The following KCTD1 variants were observed in gnomAD, a reference collection of about 807,000 sequenced individuals.
KCTD1 encodes potassium channel tetramerization domain containing 1, also known as BTB/POZ domain-containing protein KCTD1.
Under a neutral mutation model 66.0 loss-of-function variants are expected in KCTD1, and 24 were observed. That is an observed-to-expected ratio of 0.36 (90% CI 0.26 to 0.51). The LOEUF is 0.51. Ranked by LOEUF, KCTD1 falls within the 20% of genes least tolerant of loss-of-function variation. KCTD1 has a pLI of 0.95. For missense variants in KCTD1, 943 were observed against 1,205.2 expected, an observed-to-expected ratio of 0.78 and a Z score of 3.22; for synonymous variants, 511 against 517.2, an observed-to-expected ratio of 0.99 and a Z score of 0.16.
At chr18:26,651,072 ATCACAACAATCTC>A (rs1489460255) in intron 1 of KCTD1, among the ~76,000 whole-genome samples, 1 of 152,218 alleles carries the variant, frequency 6.6e-6, no homozygotes, top group East Asian at 1.9e-4. Context: ...ACATGTTCTG[ATCACAACAATCTC>A]TCACAACAAT....
intron 3 of KCTD1, among the ~76,000 whole-genome samples, chr18:26,474,114 A>G (rs139703574): frequency 2.5e-3 from 375 of 152,310 alleles, no homozygotes; most frequent in African/African-American, 8.6e-3. Context: ...GAAACATACT[A>G]TACATATGGT....
intron 1 of KCTD1, among the ~76,000 whole-genome samples, chr18:26,589,163 G>C (rs1986540003): frequency 1.3e-5 from 2 of 152,180 alleles, no homozygotes; most frequent in African/African-American, 2.4e-5. Flanking sequence ...ATAAGACCTG[G>C]GGGAGGACAG....
At chr18:26,647,118 C>T (rs1418383313) in intron 1 of KCTD1, among the ~76,000 whole-genome samples, 2 of 152,188 alleles carry the variant, frequency 1.3e-5, no homozygotes, top group African/African-American at 4.8e-5. Flanking sequence ...AAACCACCTG[C>T]ACTTCTTACA....
intron 2 of KCTD1, among the ~76,000 whole-genome samples, chr18:26,499,833 C>G (rs1982663121): frequency 6.6e-6 from 1 of 152,146 alleles, no homozygotes; most frequent in Non-Finnish European, 1.5e-5. Context: ...CCCTGTTTCC[C>G]GACATTACCC....
chr18:26,492,604 TCAA>T (rs1982260998), intron 2 of KCTD1, among the ~76,000 whole-genome samples: 2 of 138,940 alleles, frequency 1.4e-5, no homozygotes, highest in Admixed American at 7.7e-5. Flanking sequence ...AGACACTGTC[TCAA>T]TAAATAAATA....
rs370452861 is a variant in KCTD1 at position 26,476,587 on chromosome 18, T to C, written c.2061A>G (p.Arg687=). The C allele has an allele frequency of 1.2e-6, 2 of 1,613,794 alleles. No homozygotes were observed. Among genetic ancestry groups the C allele is most frequent in the Non-Finnish European group, 1.7e-6 (2 of 1,179,740 alleles). ...AGATATATCTGAACATCTGTCCATC[T>C]CTGTCAATGAAATAGTGCTGTTTGA... is the stretch of plus-strand genomic sequence containing the variant. ...DSLKQHYFID[R]DGQMFRYILN... Residue 687 remains arginine, a synonymous_variant, in exon 3 of 5, where the codon AGA becomes AGG. Transcript: ENST00000580059. This position sits in a 1 kb window ranked among gnomAD's most constrained non-coding sequence, Gnocchi z 4.9.
At chr18:26,506,914 C>T (rs145836086) in intron 1 of KCTD1, among the ~76,000 whole-genome samples, 408 of 152,198 alleles carry the variant, frequency 2.7e-3, no homozygotes, top group African/African-American at 9.3e-3. Flanking sequence ...GCCTGTAATT[C>T]CAGCACTTTG....
At chr18:26,634,847 G>A (rs1987690880) in intron 1 of KCTD1, among the ~76,000 whole-genome samples, 1 of 152,184 alleles carries the variant, frequency 6.6e-6, no homozygotes, top group African/African-American at 2.4e-5. Flanking sequence ...CCATGGATCT[G>A]AATGCGGGCA....
At chr18:26,455,945 T>A in intron 4 of KCTD1, 44 bp from the exon 5 acceptor site, 1 of 1,429,124 alleles carries the variant, frequency 7.0e-7, no homozygotes, top group Non-Finnish European at 9.6e-7. Context: ...GTGAGGTAAG[T>A]CCTATGGCTA....
chr18:26,610,577 G>A (rs958909333), intron 1 of KCTD1, among the ~76,000 whole-genome samples: 1 of 146,614 alleles, frequency 6.8e-6, no homozygotes, highest in South Asian at 2.3e-4. Context: ...CTCTAAGAAA[G>A]AGAGAGAGAG....
intron 2 of KCTD1, among the ~76,000 whole-genome samples, chr18:26,486,551 C>T (rs1003197879): frequency 2.6e-5 from 4 of 152,184 alleles, no homozygotes; most frequent in African/African-American, 9.7e-5. Context: ...GTATTCGCAA[C>T]CCTAAATACT....
intron 1 of KCTD1, among the ~76,000 whole-genome samples, chr18:26,570,792 G>A (rs560563474): frequency 6.6e-6 from 1 of 152,338 alleles, no homozygotes; most frequent in East Asian, 1.9e-4. Flanking sequence ...CCCATTGTAA[G>A]TTGATGAATT....
At chr18:26,606,901 C>A (rs1040476809) in intron 1 of KCTD1, among the ~76,000 whole-genome samples, 1 of 152,254 alleles carries the variant, frequency 6.6e-6, no homozygotes, top group Non-Finnish European at 1.5e-5. Context: ...GCTATTCCTT[C>A]ACCTTAAAAT....
rs78306061 is a variant in KCTD1 at position 26,548,051 on chromosome 18, G to A, written c.486C>T (p.Arg162=). The A allele has an allele frequency of 6.9e-4, 1,035 of 1,504,518 alleles. 10 individuals are homozygous for A. In the East Asian group the frequency reaches 0.017, roughly 25 times the overall value. 93.2% of individuals were successfully genotyped at this position (1,504,518 alleles called of 1,614,324 possible). A position where few individuals can be genotyped will look rare whatever the true frequency, so the allele number is the denominator to read the frequency against. ...TCTCGCTCAGCCGGGCCCGCTCGGG[G>A]CGCTGCAGCACGTCGGGGTCCAGCT... is the stretch of plus-strand genomic sequence containing the variant. ...GSELDPDVLQ[R]PERARLSENT... The change falls in exon 1 of 5, where the codon CGC becomes CGT. Residue 162 remains arginine, a synonymous_variant. Coordinates refer to ENST00000580059, the MANE Select transcript of KCTD1 (RefSeq NM_001142730.3).
chr18:26,483,255 A>AT (rs1981740535), intron 2 of KCTD1, among the ~76,000 whole-genome samples: 2 of 152,022 alleles, frequency 1.3e-5, no homozygotes, highest in African/African-American at 4.8e-5. Flanking sequence ...TTTAAAGAGT[A>AT]TTTTTCTTTC....
intron 1 of KCTD1, among the ~76,000 whole-genome samples, chr18:26,612,643 G>C (rs372220391): frequency 6.6e-6 from 1 of 152,166 alleles, no homozygotes; most frequent in African/African-American, 2.4e-5. Flanking sequence ...CAATGCTGCT[G>C]ATATTTTGAT....
chr18:26,600,582 C>A (rs1321048271), intron 1 of KCTD1, among the ~76,000 whole-genome samples: 1 of 152,030 alleles, frequency 6.6e-6, no homozygotes, highest in Non-Finnish European at 1.5e-5. Context: ...GGTTTCTTCA[C>A]CTCATGTTAA....
rs1988148649 is a variant in KCTD1 at position 26,656,579 on chromosome 18, A to AG, written c.9+780dup. On this transcript the variant is annotated intron_variant, in intron 1 of 4. Coordinates refer to the KCTD1 transcript ENST00000580191. ...GCCGGGCACCGGCCGCGGCCCACAA[A>AG]GGGGAGCGGCGTGGTCCGGCCCGGG... Among the ~76,000 whole-genome samples the AG allele has an allele frequency of 2.0e-5, 3 of 149,134 alleles. No homozygotes were observed. The South Asian group carries it at 6.5e-4, about 32-fold the overall frequency.
chr18:26,651,514 T>C (rs1429649070), intron 1 of KCTD1, among the ~76,000 whole-genome samples: 1 of 152,098 alleles, frequency 6.6e-6, no homozygotes, highest in African/African-American at 2.4e-5. Flanking sequence ...CCGAGTGTGG[T>C]GGCTCACACC....
Sources: gnomAD v4.1 joint callset for allele counts (sites outside exome capture counted in the v4.1 genomes callset) on GRCh38, gnomAD v4.1.1 for gene constraint, Gnocchi (gnomAD v3.1) non-coding constraint, MANE v1.5 for transcripts, NCBI Gene and HGNC (gene_info 2026-07-23, HGNC 2026-07-21) for gene names.